The following PCSK6 variants were observed in gnomAD, a reference collection of about 807,000 sequenced individuals.
The protein encoded by PCSK6 is proprotein convertase subtilisin/kexin type 6, also known as paired basic amino acid cleaving enzyme 4.
In PCSK6, 85 loss-of-function variants were observed where a neutral mutation model predicts 123.3. The ratio of observed to expected loss-of-function variants is 0.69; its 90% CI spans 0.58 to 0.83. PCSK6 has a LOEUF of 0.83. Ranked by LOEUF, PCSK6 falls within the 40% of genes least tolerant of loss-of-function variation. PCSK6 has a pLI of 0.00. For missense variants in PCSK6, 1,191 were observed against 1,282.3 expected, an observed-to-expected ratio of 0.93 and a Z score of 1.09; for synonymous variants, 508 against 516.0, an observed-to-expected ratio of 0.98 and a Z score of 0.21.
rs2042161525 is a variant in PCSK6 at position 101,389,456 on chromosome 15, G to A, written c.1310+8C>T. On this transcript the variant is annotated splice_region_variant and intron_variant, in intron 9 of 21. Coordinates refer to ENST00000611716, the MANE Select transcript of PCSK6 (RefSeq NM_002570.5). ...TTTTTTTTTAGAAAAAGGTAAGTGG[G>A]AACTTACTTTGCTTCTAGAGCCAAG... 1.3e-6 allele frequency: 2 copies of A among 1,594,646 alleles called. No homozygotes were observed. Among genetic ancestry groups the A allele is most frequent in the Non-Finnish European group, 1.7e-6 (2 of 1,162,882 alleles).
chr15:101,462,447 A>G (rs28641892), intron 1 of PCSK6, among the ~76,000 whole-genome samples: 25,231 of 152,190 alleles, frequency 0.17, 2,146 homozygotes, highest in East Asian at 0.22. Context: ...AGTTAATATG[A>G]AACAACAAAG....
intron 8 of PCSK6, 95 bp from the exon 9 acceptor site, chr15:101,389,659 AAG>A: frequency 1.1e-6 from 1 of 935,860 alleles, no homozygotes; most frequent in Non-Finnish European, 1.7e-6. Flanking sequence ...ACTAACTGGC[AAG>A]CGTGACCCTG....
At position 101,469,344 on chromosome 15, in the gene PCSK6, C is replaced by G. The variant is rs368345924; in HGVS notation, c.297+20030G>C. 3.3e-5 allele frequency among the ~76,000 whole-genome samples: 5 copies of G among 152,258 alleles called. No individual in the cohort carries two copies. In the South Asian group the frequency reaches 1.0e-3, roughly 32 times the overall value. On this transcript the variant is annotated intron_variant, in intron 1 of 21. Transcript: ENST00000611716. Reference sequence around the variant, plus strand: ...GAAGACAGTGAGCATTTGTAGTTTACAGGCAAATGCACGTGTGTAGAGAGC... The same window carrying G: ...GAAGACAGTGAGCATTTGTAGTTTAGAGGCAAATGCACGTGTGTAGAGAGC...
chr15:101,381,170 T>G (rs549330418), intron 11 of PCSK6, among the ~76,000 whole-genome samples: 5 of 152,196 alleles, frequency 3.3e-5, no homozygotes, highest in African/African-American at 1.2e-4. Context: ...GAGACCAGCC[T>G]GGCCAAGATG....
At chr15:101,430,108 A>G (rs1461768031) in intron 4 of PCSK6, 45 bp from the exon 5 acceptor site, 4 of 1,483,062 alleles carry the variant, frequency 2.7e-6, no homozygotes, top group Non-Finnish European at 3.8e-6. Context: ...GGCATGTGAC[A>G]GCTCTGTTTG....
chr15:101,414,896 C>G (rs781043860), intron 6 of PCSK6, among the ~76,000 whole-genome samples: 1 of 152,062 alleles, frequency 6.6e-6, no homozygotes, highest in Admixed American at 6.5e-5. Context: ...AATATAAATC[C>G]AGATACATGC....
At chr15:101,399,631 C>T (rs1039060195) in intron 6 of PCSK6, among the ~76,000 whole-genome samples, 1 of 152,204 alleles carries the variant, frequency 6.6e-6, no homozygotes, top group Non-Finnish European at 1.5e-5. Context: ...AGCAACAGTG[C>T]CTCCCCCAGA....
At chr15:101,324,792 G>A (rs2277593) in intron 17 of PCSK6, 58 bp downstream of exon 17, 225,219 of 1,425,810 alleles carry the variant, frequency 0.16, 19,463 homozygotes, top group Admixed American at 0.33. Flanking sequence ...GAGAGGACAC[G>A]GGCCCAGAAA....
chr15:101,455,226 G>T (rs912611374), intron 1 of PCSK6, among the ~76,000 whole-genome samples: 1 of 152,184 alleles, frequency 6.6e-6, no homozygotes, highest in Non-Finnish European at 1.5e-5. Context: ...TGTCACTCAG[G>T]ATGCTGGGAC....
At chr15:101,428,858 CG>C (rs1372145193) in intron 5 of PCSK6, among the ~76,000 whole-genome samples, 4 of 152,288 alleles carry the variant, frequency 2.6e-5, no homozygotes, top group African/African-American at 9.6e-5. Context: ...ATGGATGGCT[CG>C]GGATGGGATT....
intron 2 of PCSK6, among the ~76,000 whole-genome samples, chr15:101,438,245 T>C (rs1016125468): frequency 1.3e-5 from 2 of 152,250 alleles, no homozygotes; most frequent in Non-Finnish European, 2.9e-5. Flanking sequence ...TCACTGTCTG[T>C]ACCTCTGTTA....
At chr15:101,357,381 T>TGCTGACCAGACCTGCATTTTCCTG (rs1307434750) in intron 13 of PCSK6, among the ~76,000 whole-genome samples, 5 of 152,248 alleles carry the variant, frequency 3.3e-5, no homozygotes, top group Non-Finnish European at 7.3e-5. Flanking sequence ...ATGCTGACGA[T>TGCTGACCAGACCTGCATTTTCCTG]GCTGACCAGA....
intron 1 of PCSK6, among the ~76,000 whole-genome samples, chr15:101,483,342 C>T (rs1478587327): frequency 1.3e-5 from 2 of 152,342 alleles, no homozygotes; most frequent in East Asian, 1.9e-4. Context: ...ACAAATGAAT[C>T]GTGCAGGCTC....
chr15:101,373,154 C>G (rs560492925), intron 11 of PCSK6, among the ~76,000 whole-genome samples: 8 of 152,144 alleles, frequency 5.3e-5, no homozygotes, highest in African/African-American at 1.9e-4. Flanking sequence ...GGACTCCAGC[C>G]GCTGCATAAA....
chr15:101,425,177 C>T (rs559842533), intron 6 of PCSK6, among the ~76,000 whole-genome samples: 14 of 152,126 alleles, frequency 9.2e-5, no homozygotes, highest in Non-Finnish European at 1.9e-4. Flanking sequence ...CTGGGGTGAG[C>T]AGGCCACATA....
Position 101,313,494 on chromosome 15 carries a change from C to G in PCSK6, c.2581G>C (p.Glu861Gln). Reference sequence around the variant, plus strand: ...TTTTTCGCACAGTGAATGCACTCTTCTCTGCCTGGCCCTGAGAGACACAGG... The same window carrying G: ...TTTTTCGCACAGTGAATGCACTCTTGTCTGCCTGGCCCTGAGAGACACAGG... ...TCGTCVGPGR[E>Q]ECIHCAKNFH... Residue 861 changes from glutamate to glutamine, a missense_variant, in exon 20 of 22, where the codon GAA (glutamate) becomes CAA (glutamine). Around this residue, in one of 3 missense-constraint regions of PCSK6, gnomAD observed 630 missense variants for 631.4 expected, o/e 1.00. Transcript: ENST00000611716. The G allele has an allele frequency of 6.2e-7, 1 of 1,602,028 alleles. No homozygotes were observed. The highest frequency in any genetic ancestry group is 8.5e-7 in the Non-Finnish European group (1 of 1,176,918).
At chr15:101,381,156 G>A (rs2041901052) in intron 11 of PCSK6, among the ~76,000 whole-genome samples, 1 of 152,000 alleles carries the variant, frequency 6.6e-6, no homozygotes, top group African/African-American at 2.4e-5. Context: ...GAGGTCAAGA[G>A]TTTGAGACCA....
chr15:101,454,972 G>GAATA (rs879329713), intron 1 of PCSK6, among the ~76,000 whole-genome samples: 3,140 of 131,810 alleles, frequency 0.024, 48 homozygotes, highest in Middle Eastern at 0.052. Flanking sequence ...ATGAATGAAT[G>GAATA]AATGAATGAA....
intron 1 of PCSK6, among the ~76,000 whole-genome samples, chr15:101,459,559 C>T (rs988298972): frequency 6.8e-6 from 1 of 147,566 alleles, no homozygotes; most frequent in Non-Finnish European, 1.5e-5. Flanking sequence ...TCCCGTCCCC[C>T]CCACCATTCC....
Sources: gnomAD v4.1 joint callset for allele counts (sites outside exome capture counted in the v4.1 genomes callset) on GRCh38, gnomAD v4.1.1 for gene constraint, gnomAD v4.1.1 regional missense constraint, MANE v1.5 for transcripts, NCBI Gene and HGNC (gene_info 2026-07-23, HGNC 2026-07-21) for gene names.